Variants in CSMD1 observed in about 807,000 individuals in gnomAD.
The protein encoded by CSMD1 is CUB and sushi domain-containing protein 1.
CSMD1 carries 213 observed loss-of-function variants against 417.5 expected under a neutral mutation model. The ratio of observed to expected loss-of-function variants is 0.51; its 90% CI spans 0.46 to 0.57. CSMD1 has a LOEUF of 0.57. CSMD1 is among the 20% of genes least tolerant of loss of function. The probability of loss-of-function intolerance (pLI) is 0.00; values close to 1 mark genes in which losing one functional copy is unlikely to be tolerated. For missense variants in CSMD1, 6,923 were observed against 4,529.7 expected (o/e 1.53, Z -15.17); for synonymous variants, 2,862 against 1,736.8 (o/e 1.65, Z -16.11).
intron 12 of CSMD1, among the ~76,000 whole-genome samples, chr8:3,468,215 G>C (rs1053487070): frequency 6.6e-6 from 1 of 152,170 alleles, no homozygotes; most frequent in Non-Finnish European, 1.5e-5. Flanking sequence ...TTCAGAAATT[G>C]TTTGCATTGC....
rs58668077 is a variant in CSMD1, at chr8:4,033,130, GAAAAAAAA to G, written c.416-1039_416-1032del. On this transcript the variant is annotated intron_variant, in intron 3 of 69. Coordinates refer to ENST00000635120, the MANE Select transcript of CSMD1 (RefSeq NM_033225.6). ...AACTCTTGCAATTAATTTCCAATAT[GAAAAAAAA>G]AAAAAAAAAAAAAAAAACCTGGCCA... 7.4e-5 allele frequency among the ~76,000 whole-genome samples: 6 copies of G among 80,658 alleles called. No homozygotes were observed. In the South Asian group the frequency reaches 2.8e-3, roughly 37 times the overall value. 52.9% of individuals were successfully genotyped at this position (80,658 alleles called of 152,430 possible).
intron 23 of CSMD1, among the ~76,000 whole-genome samples, chr8:3,339,389 G>A (rs1486956207): frequency 2.0e-5 from 3 of 152,080 alleles, no homozygotes; most frequent in Admixed American, 6.6e-5. Context: ...AAGAGCCAAG[G>A]GTAGGGGGGT....
rs868215582 is a variant in CSMD1, at chr8:4,713,797, G to C, written c.86-76239C>G. Among the ~76,000 whole-genome samples, 5 of 152,140 alleles carry C rather than the reference G, an allele frequency of 3.3e-5. No individual in the cohort carries two copies. In the South Asian group the frequency reaches 6.2e-4, roughly 19 times the overall value. On this transcript the variant is annotated intron_variant, in intron 1 of 69. Coordinates refer to ENST00000635120, the MANE Select transcript of CSMD1 (RefSeq NM_033225.6). ...GCTTGGGCTGGAGATCATTCTAGGAGGGTGTCATTCTAATCTGCATGCTTT... is the reference window on the plus strand; with the variant it reads ...GCTTGGGCTGGAGATCATTCTAGGACGGTGTCATTCTAATCTGCATGCTTT...
At chr8:3,563,423 T>C (rs199730114) in intron 10 of CSMD1, among the ~76,000 whole-genome samples, 2 of 49,650 alleles carry the variant, frequency 4.0e-5, no homozygotes, top group East Asian at 7.6e-4. Flanking sequence ...ATGCATAAAA[T>C]AGGTAACGTA....
At chr8:4,089,855 G>A (rs1010670785) in intron 3 of CSMD1, among the ~76,000 whole-genome samples, 1 of 152,086 alleles carries the variant, frequency 6.6e-6, no homozygotes, top group African/African-American at 2.4e-5. Flanking sequence ...AATGGTGGTG[G>A]GATCTCACCA....
At chr8:4,700,705 A>G (rs1486124225) in intron 1 of CSMD1, among the ~76,000 whole-genome samples, 1 of 152,236 alleles carries the variant, frequency 6.6e-6, no homozygotes, top group Non-Finnish European at 1.5e-5. Flanking sequence ...ATATTCAGAA[A>G]CTCACAAAAT....
chr8:3,248,748 C>T (rs1159769100), intron 26 of CSMD1, among the ~76,000 whole-genome samples: 1 of 151,960 alleles, frequency 6.6e-6, no homozygotes, highest in Non-Finnish European at 1.5e-5. Flanking sequence ...CGTTCTCTCC[C>T]ATCTCTGGGC....
At chr8:3,691,887 T>C (rs940122052) in intron 7 of CSMD1, among the ~76,000 whole-genome samples, 2 of 152,222 alleles carry the variant, frequency 1.3e-5, no homozygotes, top group African/African-American at 2.4e-5. Flanking sequence ...ATGACTTCTA[T>C]GGCTTCAAGA....
At chr8:3,859,728 G>A (rs1032225371) in intron 5 of CSMD1, among the ~76,000 whole-genome samples, 1 of 152,158 alleles carries the variant, frequency 6.6e-6, no homozygotes, top group Admixed American at 6.6e-5. Flanking sequence ...TCTGGACACA[G>A]AAACCCGGGC....
chr8:3,298,961 A>C (rs1441476182), intron 25 of CSMD1, among the ~76,000 whole-genome samples: 9 of 152,310 alleles, frequency 5.9e-5, no homozygotes, highest in Admixed American at 5.9e-4. Flanking sequence ...TGCTAATGAG[A>C]AGCTTACACA....
chr8:3,055,504 G>C (rs1812154635), intron 49 of CSMD1, among the ~76,000 whole-genome samples: 1 of 152,206 alleles, frequency 6.6e-6, no homozygotes, highest in Non-Finnish European at 1.5e-5. Flanking sequence ...GATGAAGACA[G>C]TTTCCTGCTC....
At chr8:3,959,880 T>C (rs773835075) in intron 5 of CSMD1, among the ~76,000 whole-genome samples, 1 of 152,248 alleles carries the variant, frequency 6.6e-6, no homozygotes, top group Non-Finnish European at 1.5e-5. Flanking sequence ...ACGTGTGATC[T>C]GCCTTCATTC....
intron 11 of CSMD1, among the ~76,000 whole-genome samples, chr8:3,475,926 C>T (rs1370265652): frequency 6.6e-6 from 1 of 152,178 alleles, no homozygotes; most frequent in Admixed American, 6.5e-5. Context: ...GATACAGTAA[C>T]TTTATGATGT....
intron 7 of CSMD1, among the ~76,000 whole-genome samples, chr8:3,662,954 A>G (rs1392327870): frequency 7.2e-5 from 11 of 152,170 alleles, no homozygotes; most frequent in Non-Finnish European, 1.6e-4. Flanking sequence ...ATGTGTTCCT[A>G]TGTAACAAAC....
Position 3,923,837 on chromosome 8 carries a change from T to C in CSMD1, c.818+74066A>G, listed in dbSNP as rs116112256. Among the ~76,000 whole-genome samples, 1,113 of 152,330 alleles carry C rather than the reference T, an allele frequency of 7.3e-3. 11 individuals carry two copies. Among genetic ancestry groups the C allele is most frequent in the African/African-American group, 0.026 (1,065 of 41,576 alleles). Reference sequence around the variant, plus strand: ...TGCGTCTGAGTTTCAATTTTTTACATTCCATAGATAAGTGAAATCATGCAG... The same window carrying C: ...TGCGTCTGAGTTTCAATTTTTTACACTCCATAGATAAGTGAAATCATGCAG... On this transcript the variant is annotated intron_variant, in intron 5 of 69. Transcript: ENST00000635120.
chr8:3,852,860 C>A (rs1182549131), intron 5 of CSMD1, among the ~76,000 whole-genome samples: 1 of 152,164 alleles, frequency 6.6e-6, no homozygotes, highest in Non-Finnish European at 1.5e-5. Context: ...TCAGCAGAAT[C>A]AATCCCTCCA....
chr8:4,033,765 G>A lies in CSMD1; in HGVS notation c.416-1666C>T, dbSNP rs193280397. Among the ~76,000 whole-genome samples the A allele has an allele frequency of 7.6e-4, 115 of 152,084 alleles. No individual in the cohort carries two copies. The East Asian group carries it at 0.019, about 26-fold the overall frequency. ...TGGGGTATTGATTCTGTTCTTTTTG[G>A]TCCTCTCACTTTTTCCTTGATATGA... On this transcript the variant is annotated intron_variant, in intron 3 of 69. Transcript: ENST00000635120.
At chr8:4,487,220 G>A (rs938064536) in intron 2 of CSMD1, among the ~76,000 whole-genome samples, 7 of 152,012 alleles carry the variant, frequency 4.6e-5, no homozygotes, top group Admixed American at 2.6e-4. Flanking sequence ...TGTGCACAAT[G>A]TGCCGGTTTG....
At chr8:3,522,324 G>C (rs191877990) in intron 10 of CSMD1, among the ~76,000 whole-genome samples, 1 of 152,184 alleles carries the variant, frequency 6.6e-6, no homozygotes. Flanking sequence ...AGAGGAAATT[G>C]TAAAGGATAT....
Sources: allele counts gnomAD v4.1 joint callset (sites outside exome capture counted in the v4.1 genomes callset), GRCh38; gene constraint gnomAD v4.1.1; transcripts MANE v1.5; gene names NCBI Gene and HGNC (gene_info 2026-07-23, HGNC 2026-07-21).